ABCF2: variants seen among roughly 807,000 people sequenced by gnomAD.
The protein encoded by ABCF2 is ATP-binding cassette sub-family F member 2.
Under a neutral mutation model 76.9 loss-of-function variants are expected in ABCF2, and 37 were observed. That is an observed-to-expected ratio of 0.48 (90% confidence interval 0.37 to 0.63). The LOEUF is 0.63. Ranked by LOEUF, ABCF2 falls within the 30% of genes least tolerant of loss-of-function variation. The pLI is 0.00. For synonymous variants in ABCF2, 299 were observed against 283.7 expected, an observed-to-expected ratio of 1.05 and a Z score of -0.54; for missense variants, 524 against 782.1, an observed-to-expected ratio of 0.67 and a Z score of 3.94.
In ABCF2 at chr7:151,226,400, C is replaced by T; in HGVS notation, c.59G>A (p.Arg20Gln). 4 of 1,614,178 alleles carry T rather than the reference C, an allele frequency of 2.5e-6. No individual in the cohort carries two copies. Among genetic ancestry groups the T allele is most frequent in the Non-Finnish European group, 3.4e-6 (4 of 1,180,028 alleles). ...AAKKKEAAKARQRPRKGHEEN... is the reference protein window; with the variant it reads ...AAKKKEAAKAQQRPRKGHEEN... Reference sequence around the variant, plus strand: ...TTCATGTCCTTTTCTGGGCCGCTGTCGAGCTTTGGCAGCCTCCTTCTTTTT... The same window carrying T: ...TTCATGTCCTTTTCTGGGCCGCTGTTGAGCTTTGGCAGCCTCCTTCTTTTT... Residue 20 changes from arginine to glutamine, a missense_variant, in exon 2 of 15, where the codon CGA (arginine) becomes CAA (glutamine). Around this residue, in one of 2 missense-constraint regions of ABCF2, gnomAD observed 330 missense variants for 433.6 expected, o/e 0.76. Transcript: ENST00000287844.
At chr7:151,226,728 A>C (rs942626674) in intron 1 of ABCF2, 6 of 337,808 alleles carry the variant, frequency 1.8e-5, no homozygotes, top group African/African-American at 4.3e-5. Flanking sequence ...TCCCCCACGG[A>C]CTGCCTCACT....
Position 151,215,209 on chromosome 7 carries a change from G to A in ABCF2, c.1531-127C>T. On this transcript the variant is annotated intron_variant, in intron 13 of 14. Coordinates refer to ENST00000287844, the MANE Select transcript of ABCF2 (RefSeq NM_007189.3). The surrounding 1 kb of genome is among the most constrained non-coding windows in gnomAD (Gnocchi z 4.6). ...ATTTATAAAAAGTGAGGCTCAGAGA[G>A]ACCCACTAGTCTCTTGAGGCCTGAA... The A allele has an allele frequency of 7.4e-6, 7 of 942,310 alleles. No individual in the cohort carries two copies. Among genetic ancestry groups the A allele is most frequent in the East Asian group, 2.6e-5 (1 of 38,090 alleles). The allele number at this position is 942,310 out of a possible 1,614,324, so 58.4% of individuals were successfully genotyped here.
chr7:151,222,589 C>T lies in ABCF2; in HGVS notation c.750G>A (p.Leu250=). ...ARALFIRPFM[L]LLDEPTNHLD... is the part of the protein sequence containing the mutation. ...GGTGGTTGGTAGGCTCATCCAGGAG[C>T]AGCATGAAGGGCCGAATAAAGAGGG... Residue 250 remains leucine (L), a synonymous_variant, in exon 6 of 15, where the codon CTG becomes CTA. Transcript: ENST00000287844. 3 of 1,613,620 alleles carry T rather than the reference C, an allele frequency of 1.9e-6. No individual in the cohort carries two copies. The highest frequency in any genetic ancestry group is 2.5e-6 in the Non-Finnish European group (3 of 1,179,748).
chr7:151,220,217 C>T (rs2150574586), intron 7 of ABCF2, among the ~76,000 whole-genome samples: 1 of 151,664 alleles, frequency 6.6e-6, no homozygotes, highest in East Asian at 1.9e-4. Context: ...TGGTGAACCC[C>T]ATCTCTACTA....
At position 151,211,534 on chromosome 7, in the gene ABCF2, C is replaced by A; in HGVS notation, c.*2520G>T. On this transcript the variant is annotated 3_prime_UTR_variant, in exon 15 of 15. Transcript: ENST00000287844. ...GACTTTTAAAGCATTATTTAAATTA[C>A]CAAGGTTGACATTTTTCTTGACAAA... 1 of 985,194 alleles carries A rather than the reference C, an allele frequency of 1.0e-6. No individual in the cohort carries two copies. Among genetic ancestry groups the A allele is most frequent in the Non-Finnish European group, 1.2e-6 (1 of 829,744 alleles). 61.0% of individuals were successfully genotyped at this position (985,194 alleles called of 1,614,324 possible).
At position 151,216,896 on chromosome 7, in the gene ABCF2, G is replaced by A. The variant is rs115707741; in HGVS notation, c.1339-867C>T. Reference sequence around the variant, plus strand: ...CTTAAGAAAGATTAATAAAAACAAGGTAAGATATTTACCCAATTTTTGGTG... The same window carrying A: ...CTTAAGAAAGATTAATAAAAACAAGATAAGATATTTACCCAATTTTTGGTG... On this transcript the variant is annotated intron_variant, in intron 11 of 14. Coordinates refer to ENST00000287844, the MANE Select transcript of ABCF2 (RefSeq NM_007189.3). 4.8e-3 allele frequency among the ~76,000 whole-genome samples: 732 copies of A among 152,254 alleles called. 3 individuals carry two copies. Among genetic ancestry groups the A allele is most frequent in the African/African-American group, 0.016 (680 of 41,542 alleles).
chr7:151,221,708 A>G (rs764650111), intron 6 of ABCF2, 28 bp from the exon 7 acceptor site: 6 of 1,521,160 alleles, frequency 3.9e-6, no homozygotes, highest in Non-Finnish European at 4.6e-6. Flanking sequence ...CAATTAGTGA[A>G]GAGCTCAACC....
At chr7:151,219,498 T>C (rs2608287) in intron 7 of ABCF2, among the ~76,000 whole-genome samples, 151,384 of 152,236 alleles carry the variant, frequency 0.99, 75,269 homozygotes, top group Middle Eastern at 1. Context: ...TCCTATTCCT[T>C]CCCCGTTCCC....
chr7:151,219,321 C>A (rs1166827445), intron 7 of ABCF2, among the ~76,000 whole-genome samples, 162 bp from the exon 8 acceptor site: 1 of 152,214 alleles, frequency 6.6e-6, no homozygotes, highest in East Asian at 1.9e-4. Context: ...CATATCCTAA[C>A]ATCAAATCGG....
At position 151,218,801 on chromosome 7, in the gene ABCF2, G is replaced by C; in HGVS notation, c.1090C>G (p.Gln364Glu). ...RQAQSKEKTL[Q>E]KMMASGLTER... is the part of the protein sequence containing the mutation. ...GTCAGTCCTGATGCCATCATTTTCT[G>C]TAGCGTCTTCTCCTTGCTCTGGGCC... Residue 364 changes from glutamine (Q) to glutamate (E), a missense_variant, in exon 9 of 15, where the codon CAG becomes GAG. Gln to Glu is a conservative substitution (Grantham distance 29, BLOSUM62 2). This residue lies in a region of ABCF2 where 194 missense variants were observed against 348.6 expected (regional missense o/e 0.56). Transcript: ENST00000287844. 1.2e-6 allele frequency: 2 copies of C among 1,613,058 alleles called. No homozygotes were observed. The highest frequency in any genetic ancestry group is 1.7e-6 in the Non-Finnish European group (2 of 1,179,926).
In ABCF2 at chr7:151,224,886, A is replaced by T; in HGVS notation, c.257T>A (p.Val86Asp). 1 of 1,614,166 alleles carries T rather than the reference A, an allele frequency of 6.2e-7. No homozygotes were observed. Among genetic ancestry groups the T allele is most frequent in the Non-Finnish European group, 8.5e-7 (1 of 1,179,996 alleles). The change falls in exon 3 of 15, where the codon GTT (valine) becomes GAT (aspartate). Residue 86 changes from valine (V) to aspartate (D), a missense_variant. Transcript: ENST00000287844. ...GGTAAGTGAGAGGTTGATGATGTGA[A>T]CATCAGTACTGTTGGGGTGAGAGGC... ...VLASHPNSTD[V>D]HIINLSLTFH...
chr7:151,221,240 C>T (rs1802260635), intron 7 of ABCF2, among the ~76,000 whole-genome samples: 1 of 149,906 alleles, frequency 6.7e-6, no homozygotes, highest in Non-Finnish European at 1.5e-5. Flanking sequence ...TGCTCTGTCA[C>T]CCAGGCTGGA....
Position 151,223,698 on chromosome 7 carries a change from C to T in ABCF2, c.702G>A (p.Arg234=), listed in dbSNP as rs764816513. ...KKLKDFSGGW[R]MRVALARALF... ...CTCACCTGGCAAGGGCAACCCTCATCCTCCAGCCCCCACTGAAGTCTTTTA... is the reference window on the plus strand; with the variant it reads ...CTCACCTGGCAAGGGCAACCCTCATTCTCCAGCCCCCACTGAAGTCTTTTA... The change falls in exon 5 of 15, where the codon AGG becomes AGA. Residue 234 remains arginine, a synonymous_variant. Coordinates refer to ENST00000287844, the MANE Select transcript of ABCF2 (RefSeq NM_007189.3). The T allele has an allele frequency of 2.5e-6, 4 of 1,604,034 alleles. No homozygotes were observed. The highest frequency in any genetic ancestry group is 3.4e-6 in the Non-Finnish European group (4 of 1,173,060).
chr7:151,213,839 G>T lies in ABCF2; in HGVS notation c.*215C>A, dbSNP rs1052623725. On this transcript the variant is annotated 3_prime_UTR_variant, in exon 15 of 15. Coordinates refer to ENST00000287844, the MANE Select transcript of ABCF2 (RefSeq NM_007189.3). ...GGCCAGCCGAGTCCAGACATGGACA[G>T]ATGTAACTGGAAGGAGGACAGGAAA... The T allele has an allele frequency of 2.2e-5, 31 of 1,396,552 alleles. No homozygotes were observed. Among genetic ancestry groups the T allele is most frequent in the Non-Finnish European group, 2.1e-5 (23 of 1,080,878 alleles). 86.5% of individuals were successfully genotyped at this position (1,396,552 alleles called of 1,614,324 possible). A position where few individuals can be genotyped will look rare whatever the true frequency, so the allele number is the denominator to read the frequency against.
rs963280968 is a variant in ABCF2 at position 151,215,757 on chromosome 7, G to A, written c.1402-25C>T. 13 of 1,613,844 alleles carry A rather than the reference G, an allele frequency of 8.1e-6. No individual in the cohort carries two copies. Among genetic ancestry groups the A allele is most frequent in the African/African-American group, 4.0e-5 (3 of 74,892 alleles). On this transcript the variant is annotated intron_variant, in intron 12 of 14. Coordinates refer to ENST00000287844, the MANE Select transcript of ABCF2 (RefSeq NM_007189.3). The surrounding 1 kb of genome is among the most constrained non-coding windows in gnomAD (Gnocchi z 4.6). The stretch of plus-strand genomic sequence containing the variant: ...GCTACAGGAAAAATGGAAGCCACCC[G>A]GGTGTGACTGGCATCCCGCTTCAAA...
rs1405776897 is a variant in ABCF2, at chr7:151,214,262, A to T, written c.1735-71T>A. 1 of 1,608,792 alleles carries T rather than the reference A, an allele frequency of 6.2e-7. No individual in the cohort carries two copies. The highest frequency in any genetic ancestry group is 1.3e-5 in the African/African-American group (1 of 74,604). ...TGCCTCTGCCCAGCAGACTGTCCTG[A>T]GGGGCGTCTAGGAAGAAAACTCCGC... On this transcript the variant is annotated intron_variant, in intron 14 of 14. Coordinates refer to ENST00000287844, the MANE Select transcript of ABCF2 (RefSeq NM_007189.3). This position sits in a 1 kb window ranked among gnomAD's most constrained non-coding sequence, Gnocchi z 4.9.
In ABCF2 at chr7:151,215,138, G is replaced by T; in HGVS notation, c.1531-56C>A. 2 of 1,479,862 alleles carry T rather than the reference G, an allele frequency of 1.4e-6. No homozygotes were observed. Among genetic ancestry groups the T allele is most frequent in the Non-Finnish European group, 1.9e-6 (2 of 1,077,262 alleles). The allele number at this position is 1,479,862 out of a possible 1,614,324, so 91.7% of individuals were successfully genotyped here. On this transcript the variant is annotated intron_variant, in intron 13 of 14. Coordinates refer to ENST00000287844, the MANE Select transcript of ABCF2 (RefSeq NM_007189.3). This position sits in a 1 kb window ranked among gnomAD's most constrained non-coding sequence, Gnocchi z 4.6. The stretch of plus-strand genomic sequence containing the variant: ...GGCATTATCCCCGCCAAACAGCACA[G>T]CTCATCTCTCCCTCATTTCTCCCTG...
chr7:151,219,809 G>C (rs1406856049), intron 7 of ABCF2, among the ~76,000 whole-genome samples: 5 of 152,242 alleles, frequency 3.3e-5, no homozygotes, highest in Non-Finnish European at 7.3e-5. Context: ...TATTAAAATT[G>C]TAACTGTGGC....
Position 151,216,794 on chromosome 7 carries a change from G to A in ABCF2, c.1339-765C>T, listed in dbSNP as rs144065543. Among the ~76,000 whole-genome samples, 56 of 152,268 alleles carry A rather than the reference G, an allele frequency of 3.7e-4. 1 individual carries two copies. The highest frequency in any genetic ancestry group is 3.5e-3 in the East Asian group (18 of 5,186). ...CTCCCAAAGCACTGGGATTACAGGT[G>A]TGAGCCACGGCACCTGGCCAAAAAA... On this transcript the variant is annotated intron_variant, in intron 11 of 14. Coordinates refer to ENST00000287844, the MANE Select transcript of ABCF2 (RefSeq NM_007189.3).
Sources: allele counts gnomAD v4.1 joint callset (sites outside exome capture counted in the v4.1 genomes callset), GRCh38; gene constraint gnomAD v4.1.1; regional missense constraint gnomAD v4.1.1; non-coding constraint Gnocchi (gnomAD v3.1); transcripts MANE v1.5; gene names NCBI Gene and HGNC (gene_info 2026-07-23, HGNC 2026-07-21).